DOCK5: variants seen among roughly 807,000 people sequenced by gnomAD.
The protein encoded by DOCK5 is dedicator of cytokinesis 5.
Under a neutral mutation model 251.8 loss-of-function variants are expected in DOCK5, and 142 were observed. That is an observed-to-expected ratio of 0.56 (90% CI 0.49 to 0.65). The LOEUF (loss-of-function observed/expected upper bound fraction) is 0.65. DOCK5 is among the 30% of genes least tolerant of loss of function. DOCK5 has a pLI of 0.00. For synonymous variants in DOCK5, 842 were observed against 835.5 expected, an observed-to-expected ratio of 1.01 and a Z score of -0.13; for missense variants, 2,111 against 2,312.3, an observed-to-expected ratio of 0.91 and a Z score of 1.79.
chr8:25,339,884 T>G (rs1429684528), intron 22 of DOCK5, among the ~76,000 whole-genome samples: 1 of 152,166 alleles, frequency 6.6e-6, no homozygotes, highest in East Asian at 1.9e-4. Context: ...AAATGGATTA[T>G]CGAAGGCTAC....
intron 44 of DOCK5, 117 bp downstream of exon 44, chr8:25,392,999 T>A (rs1586390751): frequency 1.2e-6 from 1 of 814,628 alleles, no homozygotes; most frequent in Non-Finnish European, 2.0e-6. Context: ...TCTGGCCAAC[T>A]TTGTTTTTCA....
intron 1 of DOCK5, among the ~76,000 whole-genome samples, chr8:25,236,284 C>T (rs765097613): frequency 2.0e-5 from 3 of 152,116 alleles, no homozygotes; most frequent in Admixed American, 1.3e-4. Context: ...AGAGAGGTGG[C>T]GTGATGGTCA....
At chr8:25,366,311 C>T (rs557643730) in intron 30 of DOCK5, among the ~76,000 whole-genome samples, 5 of 152,124 alleles carry the variant, frequency 3.3e-5, no homozygotes, top group South Asian at 4.1e-4. Flanking sequence ...GCCAACATGG[C>T]GAAACTCCAT....
chr8:25,345,024 C>G (rs1294489457), intron 25 of DOCK5, among the ~76,000 whole-genome samples: 1 of 151,904 alleles, frequency 6.6e-6, no homozygotes, highest in African/African-American at 2.4e-5. Context: ...TTGACATGTA[C>G]TAGGGAAGCT....
rs868674570 is a variant in DOCK5, at chr8:25,266,867, C to T, written c.128-1978C>T. Among the ~76,000 whole-genome samples, 45 of 149,660 alleles carry T rather than the reference C, an allele frequency of 3.0e-4. 2 individuals are homozygous for T. Among genetic ancestry groups the T allele is most frequent in the African/African-American group, 1.0e-3 (41 of 39,114 alleles). On this transcript the variant is annotated intron_variant, in intron 2 of 51. Coordinates refer to ENST00000276440, the MANE Select transcript of DOCK5 (RefSeq NM_024940.8). Reference sequence around the variant, plus strand: ...AAAAAAAAAGTTTTTTCAACAATGACAGGCTTAGGAAGCATAATTCCGTGA... The same window carrying T: ...AAAAAAAAAGTTTTTTCAACAATGATAGGCTTAGGAAGCATAATTCCGTGA...
In DOCK5 at chr8:25,322,308, A is replaced by T. The variant is rs577675446; in HGVS notation, c.1615+1256A>T. Among the ~76,000 whole-genome samples, 129 of 152,338 alleles carry T rather than the reference A, an allele frequency of 8.5e-4. 4 individuals carry two copies. The South Asian group carries it at 0.026, about 31-fold the overall frequency. ...ACAAGGGGCAAAGACTTGTAATGGA[A>T]GCGTAGCACAGCACCTTACCCAGTC... On this transcript the variant is annotated intron_variant, in intron 16 of 51. Transcript: ENST00000276440.
chr8:25,315,944 A>G (rs1805237737), intron 13 of DOCK5, among the ~76,000 whole-genome samples: 1 of 152,206 alleles, frequency 6.6e-6, no homozygotes, highest in Non-Finnish European at 1.5e-5. Flanking sequence ...ATTGGGTGGC[A>G]GTTTAATATA....
At chr8:25,380,183 A>G (rs1421267916) in intron 38 of DOCK5, 122 bp from the exon 39 acceptor site, 5 of 763,706 alleles carry the variant, frequency 6.5e-6, no homozygotes, top group South Asian at 1.7e-5. Context: ...AGTGAGGAAT[A>G]TCTACCGAAA....
chr8:25,233,960 GTA>G (rs1802734147), intron 1 of DOCK5, among the ~76,000 whole-genome samples: 1 of 152,180 alleles, frequency 6.6e-6, no homozygotes, highest in African/African-American at 2.4e-5. Flanking sequence ...TGATTCTGGA[GTA>G]TATAAATACC....
intron 16 of DOCK5, 124 bp from the exon 17 acceptor site, chr8:25,323,724 C>A: frequency 9.3e-7 from 1 of 1,079,942 alleles, no homozygotes; most frequent in Non-Finnish European, 1.4e-6. Flanking sequence ...TTGCAGTTTG[C>A]TCAGTTGTGC....
chr8:25,388,472 A>G (rs1483805979), intron 40 of DOCK5, among the ~76,000 whole-genome samples: 1 of 152,164 alleles, frequency 6.6e-6, no homozygotes, highest in African/African-American at 2.4e-5. Flanking sequence ...AAGAGATTAT[A>G]TTTACAGTCT....
intron 1 of DOCK5, among the ~76,000 whole-genome samples, chr8:25,189,105 G>C (rs1464195491): frequency 1.4e-5 from 2 of 141,492 alleles, no homozygotes; most frequent in African/African-American, 5.4e-5. Context: ...CTAGAGTACA[G>C]TATGATCATA....
At chr8:25,402,163 T>G (rs763489022) in intron 47 of DOCK5, among the ~76,000 whole-genome samples, 1 of 152,166 alleles carries the variant, frequency 6.6e-6, no homozygotes, top group Non-Finnish European at 1.5e-5. Context: ...GGATCTCTCT[T>G]TGTCACCCAG....
At chr8:25,343,735 T>C (rs1800306854) in intron 25 of DOCK5, among the ~76,000 whole-genome samples, 1 of 152,148 alleles carries the variant, frequency 6.6e-6, no homozygotes, top group African/African-American at 2.4e-5. Flanking sequence ...ATCACATTAG[T>C]AGCTGGAAAT....
At position 25,411,705 on chromosome 8, in the gene DOCK5, G is replaced by C. The variant is rs1168320208; in HGVS notation, c.*407G>C. 3 of 161,162 alleles carry C rather than the reference G, an allele frequency of 1.9e-5. No individual in the cohort carries two copies. Among genetic ancestry groups the C allele is most frequent in the Non-Finnish European group, 4.0e-5 (3 of 74,360 alleles). The allele number at this position is 161,162 out of a possible 1,614,324, so 10.0% of individuals were successfully genotyped here. On this transcript the variant is annotated 3_prime_UTR_variant, in exon 52 of 52. Coordinates refer to ENST00000276440, the MANE Select transcript of DOCK5 (RefSeq NM_024940.8). Reference sequence around the variant, plus strand: ...GCTTTGCTTATGAAAAGCTGTGCTTGAGACTTAGGTACTTTTCTCACGTGG... The same window carrying C: ...GCTTTGCTTATGAAAAGCTGTGCTTCAGACTTAGGTACTTTTCTCACGTGG...
intron 45 of DOCK5, 83 bp from the exon 46 acceptor site, chr8:25,399,828 C>G: frequency 9.7e-7 from 1 of 1,033,636 alleles, no homozygotes. Context: ...TTCTTCCGCA[C>G]AGGACACATG....
At chr8:25,193,212 A>G (rs959924562) in intron 1 of DOCK5, among the ~76,000 whole-genome samples, 1 of 152,180 alleles carries the variant, frequency 6.6e-6, no homozygotes, top group East Asian at 1.9e-4. Context: ...GCTTTTCATC[A>G]GCCAATCAAT....
At chr8:25,295,312 T>C (rs1251754324) in intron 6 of DOCK5, among the ~76,000 whole-genome samples, 4 of 150,786 alleles carry the variant, frequency 2.7e-5, no homozygotes, top group Non-Finnish European at 5.9e-5. Flanking sequence ...CATGGTAATA[T>C]AAGCCTGTAG....
At chr8:25,385,225 CTT>C (rs1383023044) in intron 40 of DOCK5, among the ~76,000 whole-genome samples, 2 of 152,262 alleles carry the variant, frequency 1.3e-5, no homozygotes, top group East Asian at 1.9e-4. Context: ...CTGCTGCAGA[CTT>C]TTCGTGTTGG....
Sources: allele counts gnomAD v4.1 joint callset (sites outside exome capture counted in the v4.1 genomes callset), GRCh38; gene constraint gnomAD v4.1.1; transcripts MANE v1.5; gene names NCBI Gene and HGNC (gene_info 2026-07-23, HGNC 2026-07-21).